The following LIN54 variants were observed in gnomAD, a reference collection of about 807,000 sequenced individuals.
LIN54 encodes the protein lin-54 DREAM MuvB core complex component.
In LIN54, 9 loss-of-function variants were observed where a neutral mutation model predicts 78.7. The ratio of observed to expected loss-of-function variants is 0.11; its 90% CI spans 0.07 to 0.20. The LOEUF (loss-of-function observed/expected upper bound fraction) is 0.20, where lower values mean the gene tolerates loss of function less well. Among genes scored for constraint, LIN54 ranks in the 10% least tolerant of loss-of-function variants. The probability of loss-of-function intolerance (pLI) is 1.00; values close to 1 mark genes in which losing one functional copy is unlikely to be tolerated. For synonymous variants in LIN54, 269 were observed against 318.4 expected (o/e 0.84, Z 1.65); for missense variants, 573 against 889.9 (o/e 0.64, Z 4.53).
chr4:82,961,199 T>G (rs1386906150), intron 4 of LIN54, among the ~76,000 whole-genome samples: 3 of 152,198 alleles, frequency 2.0e-5, no homozygotes, highest in African/African-American at 4.8e-5. Flanking sequence ...TGAAGTACAT[T>G]TTAACAAAAG....
At chr4:82,951,894 T>C (rs948939555) in intron 4 of LIN54, among the ~76,000 whole-genome samples, 5 of 152,094 alleles carry the variant, frequency 3.3e-5, no homozygotes, top group Non-Finnish European at 7.4e-5. Context: ...TTTCAACAAA[T>C]GGTGCTGGGA....
Position 82,955,758 on chromosome 4 carries a change from A to C in LIN54, c.952-9284T>G, listed in dbSNP as rs1724269308. Among the ~76,000 whole-genome samples the C allele has an allele frequency of 5.5e-4, 3 of 5,472 alleles. No individual in the cohort carries two copies. In the Admixed American group the frequency reaches 7.3e-3, roughly 13 times the overall value. The allele number at this position is 5,472 out of a possible 152,430, so 3.6% of individuals were successfully genotyped here. A position where few individuals can be genotyped will look rare whatever the true frequency, so the allele number is the denominator to read the frequency against. ...AACACAGCAAGACCCCTATCTCATT[A>C]CAAAAAAAAAAAATTAAAAGACTGT... On this transcript the variant is annotated intron_variant, in intron 4 of 12. Transcript: ENST00000340417.
rs184154227 is a variant in LIN54, at chr4:83,003,159, G to A, written c.-33+7325C>T. Reference sequence around the variant, plus strand: ...CTCCTGAGTAGCTGGGATTACAGACGTGTGCCACCACGCTTGGCTTATTTT... The same window carrying A: ...CTCCTGAGTAGCTGGGATTACAGACATGTGCCACCACGCTTGGCTTATTTT... On this transcript the variant is annotated intron_variant, in intron 1 of 12. Coordinates refer to ENST00000340417, the MANE Select transcript of LIN54 (RefSeq NM_194282.4). Among the ~76,000 whole-genome samples, 900 of 152,160 alleles carry A rather than the reference G, an allele frequency of 5.9e-3. 3 individuals are homozygous for A. The highest frequency in any genetic ancestry group is 0.01 in the Non-Finnish European group (693 of 68,004).
At chr4:82,955,390 A>ATAACG (rs1214358387) in intron 4 of LIN54, among the ~76,000 whole-genome samples, 2 of 151,730 alleles carry the variant, frequency 1.3e-5, no homozygotes, top group Non-Finnish European at 2.9e-5. Flanking sequence ...ATAACATAAC[A>ATAACG]TAACATAACA....
intron 3 of LIN54, among the ~76,000 whole-genome samples, chr4:82,975,019 T>A (rs764823423): frequency 1.3e-5 from 2 of 152,156 alleles, no homozygotes; most frequent in Non-Finnish European, 2.9e-5. Context: ...GATGGTTGTA[T>A]AACAATGTGA....
upstream of LIN54, among the ~76,000 whole-genome samples, chr4:83,012,246 TCCCTTC>T (rs1333099069): frequency 4.6e-5 from 7 of 151,996 alleles, no homozygotes; most frequent in African/African-American, 1.7e-4. Context: ...CCCGGCCCGC[TCCCTTC>T]CCCCGTGCAC....
chr4:82,933,178 C>T (rs1010406065), intron 11 of LIN54, among the ~76,000 whole-genome samples: 9 of 150,556 alleles, frequency 6.0e-5, no homozygotes, highest in African/African-American at 1.7e-4. Flanking sequence ...CTAGTGATGA[C>T]GAGAGAAAAT....
Position 82,939,871 on chromosome 4 carries a change from A to C in LIN54, c.1242+18T>G. ...GTCTATTTGGGAAAGACTGAGAAAG[A>C]AGTTATGTGATACTTACTTGTTTGA... On this transcript the variant is annotated intron_variant, in intron 6 of 12. Transcript: ENST00000340417. 6.2e-7 allele frequency: 1 copy of C among 1,606,026 alleles called. No homozygotes were observed. Among genetic ancestry groups the C allele is most frequent in the Non-Finnish European group, 8.5e-7 (1 of 1,174,274 alleles).
intron 1 of LIN54, among the ~76,000 whole-genome samples, chr4:82,994,733 T>C (rs566319231): frequency 6.6e-6 from 1 of 151,848 alleles, no homozygotes; most frequent in Non-Finnish European, 1.5e-5. Context: ...CTGAGGGTAG[T>C]ATTCTATTTA....
chr4:82,979,120 GAA>G (rs1293668344), intron 2 of LIN54, 114 bp from the exon 3 acceptor site: 1 of 625,304 alleles, frequency 1.6e-6, no homozygotes, highest in Non-Finnish European at 2.7e-6. Flanking sequence ...TCACTTAACA[GAA>G]TATATCTGTG....
At chr4:82,975,643 C>T (rs200151831) in intron 3 of LIN54, among the ~76,000 whole-genome samples, 2 of 149,630 alleles carry the variant, frequency 1.3e-5, no homozygotes, top group East Asian at 2.0e-4. Context: ...ACCCAGGAGG[C>T]GGATGTTGCA....
intron 11 of LIN54, among the ~76,000 whole-genome samples, chr4:82,932,196 G>A (rs1461490810): frequency 2.7e-5 from 4 of 148,146 alleles, no homozygotes; most frequent in Admixed American, 2.1e-4. Context: ...CCAGGTTCAC[G>A]CCATTCTCTT....
At chr4:82,929,598 C>T (rs866488915) in intron 12 of LIN54, among the ~76,000 whole-genome samples, 1 of 151,932 alleles carries the variant, frequency 6.6e-6, no homozygotes, top group Admixed American at 6.6e-5. Flanking sequence ...TGAGGTCAGG[C>T]GTTCAAGACC....
At position 82,990,624 on chromosome 4, in the gene LIN54, C is replaced by G. The variant is rs560223259; in HGVS notation, c.-32-5748G>C. Among the ~76,000 whole-genome samples the G allele has an allele frequency of 1.8e-4, 28 of 152,200 alleles. 1 individual carries two copies. The South Asian group carries it at 5.8e-3, about 32-fold the overall frequency. ...TCAGCCTCCTGAGTAGCTGGGACTA[C>G]GGGCGCCCGCCACCACGCCCGGCTA... On this transcript the variant is annotated intron_variant, in intron 1 of 12. Coordinates refer to ENST00000340417, the MANE Select transcript of LIN54 (RefSeq NM_194282.4).
chr4:82,963,680 C>T (rs1016581597), intron 4 of LIN54, among the ~76,000 whole-genome samples: 1 of 4,688 alleles, frequency 2.1e-4, no homozygotes, highest in African/African-American at 5.7e-4. Flanking sequence ...AGAGCAACCA[C>T]TAAAAAAAAA....
intron 4 of LIN54, among the ~76,000 whole-genome samples, chr4:82,965,138 T>G (rs1725103064): frequency 6.6e-6 from 1 of 152,112 alleles, no homozygotes; most frequent in Admixed American, 6.6e-5. Context: ...AGAATAAGAT[T>G]ACAAAAGTCA....
chr4:82,933,686 A>G (rs1722153419), intron 11 of LIN54, among the ~76,000 whole-genome samples: 1 of 152,272 alleles, frequency 6.6e-6, no homozygotes, highest in Admixed American at 6.5e-5. Context: ...TTTTGGAATG[A>G]TAAATTTGTT....
At chr4:82,991,508 T>G (rs936999506) in intron 1 of LIN54, among the ~76,000 whole-genome samples, 1 of 152,208 alleles carries the variant, frequency 6.6e-6, no homozygotes, top group Non-Finnish European at 1.5e-5. Context: ...CCAATCTACA[T>G]GTTTTATATT....
chr4:82,932,342 C>A (rs542503249), intron 11 of LIN54, among the ~76,000 whole-genome samples: 1 of 150,892 alleles, frequency 6.6e-6, no homozygotes, highest in African/African-American at 2.4e-5. Context: ...GTGATTCACC[C>A]GCCTCGGCCT....
Sources: gnomAD v4.1 joint callset for allele counts (sites outside exome capture counted in the v4.1 genomes callset) on GRCh38, gnomAD v4.1.1 for gene constraint, MANE v1.5 for transcripts, NCBI Gene and HGNC (gene_info 2026-07-23, HGNC 2026-07-21) for gene names.